The following FHIT variants were observed in gnomAD, a reference collection of about 807,000 sequenced individuals.
FHIT encodes bis(5'-adenosyl)-triphosphatase.
FHIT carries 19 observed loss-of-function variants against 17.9 expected under a neutral mutation model. That is an observed-to-expected ratio of 1.06 (90% confidence interval 0.74 to 1.56). The LOEUF is 1.56. Among genes scored for constraint, FHIT ranks in the 40% most tolerant of loss-of-function variants. The probability of loss-of-function intolerance (pLI) is 0.00; values close to 1 mark genes in which losing one functional copy is unlikely to be tolerated. For missense variants in FHIT, 248 were observed against 189.2 expected, an observed-to-expected ratio of 1.31 and a Z score of -1.82; for synonymous variants, 81 against 69.7, an observed-to-expected ratio of 1.16 and a Z score of -0.81.
intron 7 of FHIT, among the ~76,000 whole-genome samples, chr3:59,982,557 T>C (rs780783533): frequency 6.6e-6 from 1 of 152,170 alleles, no homozygotes; most frequent in Non-Finnish European, 1.5e-5. Flanking sequence ...TAACTAACTT[T>C]ACTTTGGGAA....
intron 3 of FHIT, among the ~76,000 whole-genome samples, chr3:60,929,750 G>A (rs1444962053): frequency 3.3e-5 from 5 of 152,174 alleles, no homozygotes; most frequent in Non-Finnish European, 7.3e-5. Context: ...ATGCTCATGG[G>A]TAGGAAGAAT....
At chr3:60,847,227 C>T (rs1261396107) in intron 3 of FHIT, among the ~76,000 whole-genome samples, 1 of 152,172 alleles carries the variant, frequency 6.6e-6, no homozygotes, top group Non-Finnish European at 1.5e-5. Flanking sequence ...TCATCAGACC[C>T]ACAAACACAT....
chr3:60,635,008 G>A (rs2039544223), intron 4 of FHIT, among the ~76,000 whole-genome samples: 1 of 152,142 alleles, frequency 6.6e-6, no homozygotes. Context: ...AGTAGCTAGA[G>A]CTACTGCATG....
chr3:60,857,864 G>A (rs970587220), intron 3 of FHIT, among the ~76,000 whole-genome samples: 1 of 152,160 alleles, frequency 6.6e-6, no homozygotes. Flanking sequence ...GGAGTTCAAG[G>A]CTGCAGTGAG....
At chr3:60,980,123 C>T (rs1026053426) in intron 3 of FHIT, among the ~76,000 whole-genome samples, 24 of 152,288 alleles carry the variant, frequency 1.6e-4, no homozygotes, top group Admixed American at 3.3e-4. Flanking sequence ...CTACTTTCCA[C>T]ATTTCTAAGA....
intron 7 of FHIT, among the ~76,000 whole-genome samples, chr3:59,985,236 G>C (rs1485347469): frequency 2.6e-5 from 4 of 152,102 alleles, no homozygotes; most frequent in Non-Finnish European, 5.9e-5. Flanking sequence ...AATGTGCCCT[G>C]CAGAGCCCAA....
At position 60,693,024 on chromosome 3, in the gene FHIT, C is replaced by G. The variant is rs1022318452; in HGVS notation, c.-18+128895G>C. Reference sequence around the variant, plus strand: ...TGTTCATTCTAGTTCCACCAAACATCTCATTAGTAGAATTCTCTACAAGAA... The same window carrying G: ...TGTTCATTCTAGTTCCACCAAACATGTCATTAGTAGAATTCTCTACAAGAA... On this transcript the variant is annotated intron_variant, in intron 4 of 9. Transcript: ENST00000492590. Among the ~76,000 whole-genome samples, 8 of 152,330 alleles carry G rather than the reference C, an allele frequency of 5.3e-5. No individual in the cohort carries two copies. The East Asian group carries it at 1.4e-3, about 26-fold the overall frequency.
rs1323971036 is a variant in FHIT at position 60,470,058 on chromosome 3, T to TTCTTTCTCTCTCTCTCTCTCTCTCTCTC, written c.103+66801_103+66802insGAGAGAGAGAGAGAGAGAGAGAGAAAGA. On this transcript the variant is annotated intron_variant, in intron 5 of 9. Transcript: ENST00000492590. Reference sequence around the variant, plus strand: ...TCTCTCCCCTCTCCTCTCTCTTTCTTTCTCTCTCTCTCTCTCTCTCTCCAG... The same window carrying TTCTTTCTCTCTCTCTCTCTCTCTCTCTC: ...TCTCTCCCCTCTCCTCTCTCTTTCTTTCTTTCTCTCTCTCTCTCTCTCTCTCTCTCTCTCTCTCTCTCTCTCTCTCCAG... Among the ~76,000 whole-genome samples, 186 of 143,000 alleles carry TTCTTTCTCTCTCTCTCTCTCTCTCTCTC rather than the reference T, an allele frequency of 1.3e-3. No individual in the cohort carries two copies. In the Middle Eastern group the frequency reaches 0.014, roughly 11 times the overall value. The allele number at this position is 143,000 out of a possible 152,430, so 93.8% of individuals were successfully genotyped here.
intron 5 of FHIT, among the ~76,000 whole-genome samples, chr3:60,236,720 T>C (rs1576350454): frequency 6.6e-6 from 1 of 152,212 alleles, no homozygotes; most frequent in Non-Finnish European, 1.5e-5. Flanking sequence ...TTTTTACTTA[T>C]ACAGTAATAT....
intron 5 of FHIT, among the ~76,000 whole-genome samples, chr3:60,499,772 A>G (rs2034449281): frequency 6.6e-6 from 1 of 152,008 alleles, no homozygotes; most frequent in Admixed American, 6.5e-5. Flanking sequence ...TTGGCTGCCC[A>G]TTGTCCCACA....
intron 5 of FHIT, among the ~76,000 whole-genome samples, chr3:60,340,310 G>C (rs1327204722): frequency 6.6e-6 from 1 of 152,152 alleles, no homozygotes; most frequent in African/African-American, 2.4e-5. Context: ...AAAAACATAT[G>C]GCTTTCTTTG....
At chr3:61,186,392 G>A (rs917048719) in intron 2 of FHIT, among the ~76,000 whole-genome samples, 11 of 152,182 alleles carry the variant, frequency 7.2e-5, no homozygotes, top group East Asian at 1.9e-4. Context: ...AAGGGTGGGC[G>A]CCTGACCTAC....
intron 4 of FHIT, among the ~76,000 whole-genome samples, chr3:60,764,235 G>A (rs1180260546): frequency 2.0e-5 from 3 of 146,794 alleles, no homozygotes; most frequent in Non-Finnish European, 3.0e-5. Context: ...TGTCCTATCT[G>A]GGTAGGAAAA....
chr3:60,622,140 C>G (rs368607108), intron 4 of FHIT, among the ~76,000 whole-genome samples: 9 of 152,238 alleles, frequency 5.9e-5, no homozygotes, highest in Middle Eastern at 3.4e-3. Context: ...AGATTGAAAA[C>G]CCGGGCAAGC....
intron 4 of FHIT, among the ~76,000 whole-genome samples, chr3:60,595,486 AATATGT>A (rs2038233645): frequency 6.7e-6 from 1 of 148,452 alleles, no homozygotes; most frequent in Admixed American, 6.8e-5. Flanking sequence ...TATACATATA[AATATGT>A]ATATATGTGT....
intron 5 of FHIT, among the ~76,000 whole-genome samples, chr3:60,277,967 G>C (rs961318353): frequency 6.6e-5 from 10 of 152,184 alleles, no homozygotes; most frequent in Non-Finnish European, 1.2e-4. Context: ...TTTAGATTCA[G>C]CAGAGAACTG....
At chr3:59,838,996 T>C (rs1460426546) in intron 8 of FHIT, among the ~76,000 whole-genome samples, 1 of 152,088 alleles carries the variant, frequency 6.6e-6, no homozygotes, top group African/African-American at 2.4e-5. Flanking sequence ...AAGAGATCTA[T>C]TCCACAAAAG....
At chr3:60,282,735 C>A (rs1707520848) in intron 5 of FHIT, among the ~76,000 whole-genome samples, 1 of 152,034 alleles carries the variant, frequency 6.6e-6, no homozygotes, top group South Asian at 2.1e-4. Flanking sequence ...ACTATCTGCA[C>A]AATTTTTCTG....
intron 8 of FHIT, among the ~76,000 whole-genome samples, chr3:59,837,560 T>C (rs1701383547): frequency 6.6e-6 from 1 of 152,190 alleles, no homozygotes; most frequent in African/African-American, 2.4e-5. Context: ...TTAGATCTTT[T>C]ATAAAAATGT....
Sources: gnomAD v4.1 joint callset for allele counts (sites outside exome capture counted in the v4.1 genomes callset) on GRCh38, gnomAD v4.1.1 for gene constraint, MANE v1.5 for transcripts, NCBI Gene and HGNC (gene_info 2026-07-23, HGNC 2026-07-21) for gene names.